Variants in MORC1 observed in about 807,000 individuals in gnomAD.
MORC1 encodes the protein MORC family CW-type zinc finger 1, also known as MORC family CW-type zinc finger protein 1.
Under a neutral mutation model 134.9 loss-of-function variants are expected in MORC1, and 59 were observed. The observed-to-expected ratio is 0.44, with a 90% CI of 0.35 to 0.54. The LOEUF is 0.54. MORC1 is among the 20% of genes least tolerant of loss of function. The pLI is 0.00. For missense variants in MORC1, 947 were observed against 1,134.5 expected (o/e 0.83, Z 2.37); for synonymous variants, 395 against 391.7 (o/e 1.01, Z -0.10).
At chr3:108,987,529 C>T (rs1398991366) in intron 21 of MORC1, among the ~76,000 whole-genome samples, 2 of 152,022 alleles carry the variant, frequency 1.3e-5, no homozygotes, top group Non-Finnish European at 2.9e-5. Context: ...CTGAAAGGGG[C>T]TGCAGAGCCT....
intron 6 of MORC1, among the ~76,000 whole-genome samples, chr3:109,098,028 A>G (rs1263584770): frequency 6.6e-6 from 1 of 152,192 alleles, no homozygotes; most frequent in Non-Finnish European, 1.5e-5. Context: ...CAGGCATGCT[A>G]TTTAGAGATA....
chr3:109,006,179 A>G (rs1438710165), intron 18 of MORC1, among the ~76,000 whole-genome samples: 1 of 152,196 alleles, frequency 6.6e-6, no homozygotes, highest in Non-Finnish European at 1.5e-5. Context: ...AATTTATTAC[A>G]AAACGGGTAG....
At chr3:109,032,474 T>A (rs1468353479) in intron 16 of MORC1, among the ~76,000 whole-genome samples, 1 of 152,174 alleles carries the variant, frequency 6.6e-6, no homozygotes, top group Non-Finnish European at 1.5e-5. Flanking sequence ...TGGTCTCCCA[T>A]GGGTGGAAGT....
At chr3:109,054,949 G>T in intron 13 of MORC1, 67 bp from the exon 14 acceptor site, 2 of 1,374,632 alleles carry the variant, frequency 1.5e-6, no homozygotes, top group East Asian at 4.9e-5. Context: ...ATATATTCTG[G>T]TCATTTGAAA....
At chr3:109,061,781 T>G (rs1950089019) in intron 11 of MORC1, among the ~76,000 whole-genome samples, 1 of 152,218 alleles carries the variant, frequency 6.6e-6, no homozygotes, top group African/African-American at 2.4e-5. Context: ...CTTTTCTCTC[T>G]GCCTCAGCCT....
At position 108,996,286 on chromosome 3, in the gene MORC1, G is replaced by GCACA. The variant is rs66629906; in HGVS notation, c.2187+4267_2187+4270dup. Among the ~76,000 whole-genome samples the GCACA allele has an allele frequency of 3.2e-3, 469 of 146,460 alleles. 2 individuals are homozygous for GCACA. The highest frequency in any genetic ancestry group is 0.011 in the African/African-American group (428 of 39,284). ...CATGTGCGCGTGCGTGCGCGCGCGCGCACACACACACACACACACACAACT... is the reference window on the plus strand; with the variant it reads ...CATGTGCGCGTGCGTGCGCGCGCGCGCACACACACACACACACACACACACAACT... On this transcript the variant is annotated intron_variant, in intron 21 of 27. Coordinates refer to ENST00000232603, the MANE Select transcript of MORC1 (RefSeq NM_014429.4).
At chr3:109,028,204 G>A (rs1325693209) in intron 16 of MORC1, among the ~76,000 whole-genome samples, 1 of 151,760 alleles carries the variant, frequency 6.6e-6, no homozygotes, top group East Asian at 1.9e-4. Flanking sequence ...AATTATTTTA[G>A]ATCACTGAGC....
chr3:109,003,854 AAATGG>A (rs1426754400), intron 20 of MORC1, among the ~76,000 whole-genome samples: 1 of 152,290 alleles, frequency 6.6e-6, no homozygotes, highest in African/African-American at 2.4e-5. Context: ...AGCAGCCCAA[AAATGG>A]TATTAAGGAA....
intron 14 of MORC1, among the ~76,000 whole-genome samples, chr3:109,044,545 G>A (rs1434953285): frequency 1.5e-5 from 2 of 130,416 alleles, no homozygotes; most frequent in East Asian, 2.8e-4. Flanking sequence ...GCAACAGAGC[G>A]AGACTCCACC....
chr3:109,027,191 C>A (rs1327142370), intron 17 of MORC1, among the ~76,000 whole-genome samples: 1 of 152,102 alleles, frequency 6.6e-6, no homozygotes, highest in Admixed American at 6.6e-5. Flanking sequence ...AATTATTAGT[C>A]AAGAAAATAA....
intron 14 of MORC1, among the ~76,000 whole-genome samples, chr3:109,037,204 C>A (rs1041776570): frequency 6.6e-6 from 1 of 152,186 alleles, no homozygotes; most frequent in Non-Finnish European, 1.5e-5. Flanking sequence ...TAAGACATAG[C>A]TTTTGTTCCT....
intron 9 of MORC1, 82 bp from the exon 10 acceptor site, chr3:109,063,313 T>G (rs895738): frequency 1.3e-5 from 11 of 853,120 alleles, no homozygotes; most frequent in Non-Finnish European, 2.0e-5. Context: ...TAAGACTATA[T>G]GCTCCAGAGA....
intron 3 of MORC1, among the ~76,000 whole-genome samples, chr3:109,108,341 T>A (rs1027118346): frequency 1.3e-5 from 2 of 152,184 alleles, no homozygotes; most frequent in African/African-American, 4.8e-5. Context: ...AAGAACATAA[T>A]GCGTGGATTC....
intron 27 of MORC1, among the ~76,000 whole-genome samples, chr3:108,960,809 A>G (rs1172714756): frequency 6.6e-6 from 1 of 152,100 alleles, no homozygotes; most frequent in Non-Finnish European, 1.5e-5. Context: ...TCTTTTTAAA[A>G]ATCTTTAAAA....
intron 17 of MORC1, among the ~76,000 whole-genome samples, chr3:109,019,633 C>T (rs1948908598): frequency 6.6e-6 from 1 of 152,314 alleles, no homozygotes; most frequent in Non-Finnish European, 1.5e-5. Context: ...TTTCCTAACT[C>T]CATCTTTGGC....
intron 22 of MORC1, among the ~76,000 whole-genome samples, chr3:108,985,289 C>G (rs1051255473): frequency 1.5e-4 from 23 of 152,196 alleles, no homozygotes; most frequent in Non-Finnish European, 2.9e-5. Context: ...GTTCACAGAA[C>G]TTGGTGATTT....
chr3:109,027,578 T>TTTTC (rs1553751373), intron 17 of MORC1, among the ~76,000 whole-genome samples, 173 bp downstream of exon 17: 3 of 152,004 alleles, frequency 2.0e-5, no homozygotes, highest in South Asian at 4.2e-4. Context: ...TTTTTTTTTT[T>TTTTC]ACAAAACTCA....
At chr3:109,011,206 C>A (rs1204472593) in intron 17 of MORC1, among the ~76,000 whole-genome samples, 10 of 152,148 alleles carry the variant, frequency 6.6e-5, no homozygotes, top group Admixed American at 6.5e-4. Context: ...CACAGTGAGA[C>A]CACATCTCAA....
chr3:109,055,344 A>G (rs1197113363), intron 13 of MORC1, among the ~76,000 whole-genome samples: 1 of 152,204 alleles, frequency 6.6e-6, no homozygotes, highest in Non-Finnish European at 1.5e-5. Context: ...TGAAGGAATC[A>G]CAGAGTTGGC....
Sources: allele counts gnomAD v4.1 joint callset (sites outside exome capture counted in the v4.1 genomes callset), GRCh38; gene constraint gnomAD v4.1.1; transcripts MANE v1.5; gene names NCBI Gene and HGNC (gene_info 2026-07-23, HGNC 2026-07-21).